MND1: variants seen among roughly 807,000 people sequenced by gnomAD.
The protein encoded by MND1 is meiotic nuclear divisions 1, also known as meiotic nuclear division protein 1 homolog.
In MND1, 28 loss-of-function variants were observed where a neutral mutation model predicts 35.1. The observed-to-expected ratio is 0.80, with a 90% CI of 0.59 to 1.09. The LOEUF (loss-of-function observed/expected upper bound fraction) is 1.09. MND1 is among the 50% of genes least tolerant of loss of function. The pLI is 0.00. For synonymous variants in MND1, 69 were observed against 70.5 expected (o/e 0.98, Z 0.11); for missense variants, 213 against 239.6 (o/e 0.89, Z 0.73).
At chr4:153,345,419 C>T in intron 1 of MND1, 1 of 985,542 alleles carries the variant, frequency 1.0e-6, no homozygotes, top group Non-Finnish European at 1.2e-6. Context: ...GTGCCGGGTG[C>T]TGCTGGTTGT....
At chr4:153,366,246 A>G (rs1773634743) in intron 4 of MND1, among the ~76,000 whole-genome samples, 1 of 152,238 alleles carries the variant, frequency 6.6e-6, no homozygotes, top group African/African-American at 2.4e-5. Flanking sequence ...CCTTGAGATC[A>G]GTAATCTCAT....
intron 4 of MND1, among the ~76,000 whole-genome samples, chr4:153,383,290 TG>T (rs1728758890): frequency 6.6e-6 from 1 of 152,052 alleles, no homozygotes; most frequent in South Asian, 2.1e-4. Flanking sequence ...GGGAGGAAAT[TG>T]GGGGCAAACA....
At chr4:153,395,543 C>T (rs1425051246) in intron 5 of MND1, among the ~76,000 whole-genome samples, 3 of 152,224 alleles carry the variant, frequency 2.0e-5, no homozygotes, top group Admixed American at 6.5e-5. Flanking sequence ...TAGCCCCTAT[C>T]TGCTAATTAT....
intron 6 of MND1, among the ~76,000 whole-genome samples, chr4:153,398,892 C>T (rs1435745412): frequency 6.6e-6 from 1 of 152,182 alleles, no homozygotes; most frequent in Non-Finnish European, 1.5e-5. Flanking sequence ...GCTAGGCCTG[C>T]GTATGATTCA....
chr4:153,358,510 TTGA>T lies in MND1; in HGVS notation c.170_172del (p.Asp57del). 1.2e-6 allele frequency: 2 copies of T among 1,611,774 alleles called. No homozygotes were observed. Among genetic ancestry groups the T allele is most frequent in the Non-Finnish European group, 1.7e-6 (2 of 1,178,996 alleles). ...GTAAAAGAAGTCCTTCAAAGCTTAGTTGATGATGGTATGGTTGACTGTGAGAGG... is the reference window on the plus strand; with the variant it reads ...GTAAAAGAAGTCCTTCAAAGCTTAGTTGATGGTATGGTTGACTGTGAGAGG... On this transcript the variant is annotated inframe_deletion, in exon 4 of 8. Coordinates refer to ENST00000240488, the MANE Select transcript of MND1 (RefSeq NM_032117.4).
chr4:153,360,144 T>G (rs962729808), intron 4 of MND1, among the ~76,000 whole-genome samples: 2 of 152,200 alleles, frequency 1.3e-5, no homozygotes, highest in Non-Finnish European at 2.9e-5. Context: ...TGTTTAGATC[T>G]TTTGCCCATT....
chr4:153,388,145 GA>G (rs1728919285), intron 4 of MND1, among the ~76,000 whole-genome samples: 2 of 152,166 alleles, frequency 1.3e-5, no homozygotes, highest in African/African-American at 4.8e-5. Context: ...CTGTATAGGT[GA>G]CCTGGAATGC....
At chr4:153,375,134 G>A (rs1445474709) in intron 4 of MND1, among the ~76,000 whole-genome samples, 1 of 152,072 alleles carries the variant, frequency 6.6e-6, no homozygotes, top group Non-Finnish European at 1.5e-5. Flanking sequence ...TTTAAAGGAT[G>A]GCAGGATTTT....
intron 4 of MND1, among the ~76,000 whole-genome samples, chr4:153,367,409 T>C (rs1263211533): frequency 6.6e-6 from 1 of 152,248 alleles, no homozygotes; most frequent in Non-Finnish European, 1.5e-5. Context: ...TCATATAATA[T>C]GTAGTCTTTC....
intron 4 of MND1, among the ~76,000 whole-genome samples, chr4:153,375,163 T>G (rs1311185154): frequency 3.9e-5 from 6 of 152,170 alleles, no homozygotes; most frequent in Admixed American, 2.6e-4. Flanking sequence ...TATATAGCTA[T>G]GGGAGACTTC....
chr4:153,358,437 T>C (rs760371742), intron 3 of MND1, 37 bp from the exon 4 acceptor site: 2 of 1,484,208 alleles, frequency 1.3e-6, no homozygotes, highest in South Asian at 2.9e-5. Context: ...ATTTATGGTG[T>C]TTTTCTAACA....
chr4:153,352,505 C>T (rs948261806), intron 2 of MND1, among the ~76,000 whole-genome samples: 1 of 152,074 alleles, frequency 6.6e-6, no homozygotes, highest in African/African-American at 2.4e-5. Context: ...TAATAGTACC[C>T]AGTTCACAGT....
chr4:153,376,080 C>G lies in MND1; in HGVS notation c.276+17458C>G, dbSNP rs181262231. On this transcript the variant is annotated intron_variant, in intron 4 of 7. Transcript: ENST00000240488. ...GATGATAGTGAAGCAGCTATTTTGG[C>G]TCGACAGATAATAATTATAAAGATT... 2.4e-3 allele frequency among the ~76,000 whole-genome samples: 369 copies of G among 152,230 alleles called. 4 individuals are homozygous for G. Among genetic ancestry groups the G allele is most frequent in the Middle Eastern group, 0.01 (3 of 294 alleles).
chr4:153,386,727 C>T (rs1317011150), intron 4 of MND1, among the ~76,000 whole-genome samples: 1 of 151,982 alleles, frequency 6.6e-6, no homozygotes, highest in African/African-American at 2.4e-5. Context: ...ACAACAACAA[C>T]AACAAAAAAG....
intron 2 of MND1, among the ~76,000 whole-genome samples, chr4:153,352,131 T>A (rs1488333375): frequency 1.3e-5 from 2 of 152,186 alleles, no homozygotes; most frequent in Non-Finnish European, 2.9e-5. Flanking sequence ...CACCAATAAA[T>A]GTGTTGAGCT....
At chr4:153,404,673 TTC>T (rs1729444357) in intron 6 of MND1, among the ~76,000 whole-genome samples, 10 of 151,558 alleles carry the variant, frequency 6.6e-5, no homozygotes, top group Non-Finnish European at 1.3e-4. Flanking sequence ...GAAACGGGGT[TTC>T]GCCATGTTGG....
Position 153,414,788 on chromosome 4 carries a change from A to G in MND1, c.549A>G (p.Lys183=), listed in dbSNP as rs1385214080. The part of the protein sequence containing the change: ...IFAIKSWAKR[K]FGFEENKIDR... ...CAATAAAATCTTGGGCCAAAAGAAA[A>G]TTTGGGTTTGAAGAAAATAAAATTG... Residue 183 remains lysine (K), a synonymous_variant, in exon 8 of 8, where the codon AAA becomes AAG. Coordinates refer to ENST00000240488, the MANE Select transcript of MND1 (RefSeq NM_032117.4). 1 of 1,558,552 alleles carries G rather than the reference A, an allele frequency of 6.4e-7. No homozygotes were observed. The highest frequency in any genetic ancestry group is 8.7e-7 in the Non-Finnish European group (1 of 1,147,954).
chr4:153,399,813 AATGAGTATT>A (rs754825803), intron 6 of MND1, among the ~76,000 whole-genome samples: 1 of 151,602 alleles, frequency 6.6e-6, no homozygotes, highest in African/African-American at 2.4e-5. Context: ...TGCCATTGTG[AATGAGTATT>A]ATGAGTATTA....
intron 6 of MND1, among the ~76,000 whole-genome samples, chr4:153,397,859 C>A (rs970674647): frequency 6.6e-6 from 1 of 151,902 alleles, no homozygotes; most frequent in South Asian, 2.1e-4. Flanking sequence ...CATTGAACAG[C>A]GACAATTTTG....
Sources: gnomAD v4.1 joint callset for allele counts (sites outside exome capture counted in the v4.1 genomes callset) on GRCh38, gnomAD v4.1.1 for gene constraint, MANE v1.5 for transcripts, NCBI Gene and HGNC (gene_info 2026-07-23, HGNC 2026-07-21) for gene names.